CEP78: variants seen among roughly 807,000 people sequenced by gnomAD.
CEP78 encodes centrosomal protein 78.
A neutral mutation model predicts 81.2 loss-of-function variants in CEP78; 76 were observed. That is an observed-to-expected ratio of 0.94 (90% confidence interval 0.78 to 1.13). CEP78 has a LOEUF of 1.13. Ranked by LOEUF, CEP78 falls within the 50% of genes most tolerant of loss-of-function variation. The pLI is 0.00. For missense variants in CEP78, 918 were observed against 846.8 expected (o/e 1.08, Z -1.04); for synonymous variants, 293 against 301.4 (o/e 0.97, Z 0.29).
At chr9:78,268,443 A>G (rs1371284838) in intron 16 of CEP78, among the ~76,000 whole-genome samples, 2 of 152,178 alleles carry the variant, frequency 1.3e-5, no homozygotes, top group African/African-American at 4.8e-5. Context: ...CTTTTTCTTC[A>G]GTAAATAATG....
intron 1 of CEP78, 38 bp from the exon 2 acceptor site, chr9:78,239,985 T>G (rs778505496): frequency 1.3e-6 from 2 of 1,486,488 alleles, no homozygotes; most frequent in African/African-American, 2.8e-5. Flanking sequence ...ATACATTGTA[T>G]GATTGAAGTC....
At chr9:78,239,887 C>T in intron 1 of CEP78, 136 bp from the exon 2 acceptor site, 1 of 665,446 alleles carries the variant, frequency 1.5e-6, no homozygotes, top group Non-Finnish European at 2.4e-6. Context: ...TCCCATGTGG[C>T]TTGAGTTTAC....
chr9:78,238,533 G>A (rs1826068448), intron 1 of CEP78, among the ~76,000 whole-genome samples: 1 of 152,180 alleles, frequency 6.6e-6, no homozygotes, highest in African/African-American at 2.4e-5. Flanking sequence ...GAGAGAAAGA[G>A]GGAGGGTGTG....
Position 78,252,001 on chromosome 9 carries a change from G to A in CEP78, c.1163G>A (p.Gly388Asp), listed in dbSNP as rs1355639963. The change falls in exon 9 of 17, where the codon GGT becomes GAT. Residue 388 changes from glycine (G) to aspartate (D), a missense_variant. Gly to Asp is a moderately conservative substitution (Grantham distance 94, BLOSUM62 -1). Coordinates refer to ENST00000643273, the MANE Select transcript of CEP78 (RefSeq NM_001330691.3). Reference sequence around the variant, plus strand: ...GCACCTCTTCCACCTGGTGTGTCTGGTTTCTTGCCGTGGCGTACTGCAGAA... The same window carrying A: ...GCACCTCTTCCACCTGGTGTGTCTGATTTCTTGCCGTGGCGTACTGCAGAA... The part of the protein sequence containing the change: ...APAPLPPGVS[G>D]FLPWRTAERA... The A allele has an allele frequency of 4.4e-6, 7 of 1,604,896 alleles. No individual in the cohort carries two copies. Among genetic ancestry groups the A allele is most frequent in the South Asian group, 3.3e-5 (3 of 89,984 alleles).
intron 4 of CEP78, 66 bp downstream of exon 4, chr9:78,241,865 C>T (rs1826250019): frequency 1.1e-6 from 1 of 909,864 alleles, no homozygotes; most frequent in Non-Finnish European, 1.8e-6. Context: ...TATTTTGATA[C>T]AAGACAGCAG....
Position 78,254,929 on chromosome 9 carries a change from C to T in CEP78, c.1345C>T (p.Pro449Ser). The change falls in exon 11 of 17, where the codon CCT (proline) becomes TCT (serine). Residue 449 changes from proline to serine, a missense_variant. By Grantham distance (74) the Pro-to-Ser change is moderately conservative. Transcript: ENST00000643273. ...TTCTTCAGAGAGTGTTCATGAAGTG[C>T]CTGAGAAAACTAGTATAGAACAAGA... ...DDSSESVHEV[P>S]EKTSIEQEAL... 1 of 1,610,712 alleles carries T rather than the reference C, an allele frequency of 6.2e-7. No individual in the cohort carries two copies. Among genetic ancestry groups the T allele is most frequent in the Non-Finnish European group, 8.5e-7 (1 of 1,177,718 alleles).
In CEP78 at chr9:78,273,085, A is replaced by T. The variant is rs149974058; in HGVS notation, c.*2234A>T. 3.3e-5 allele frequency: 5 copies of T among 152,354 alleles called. No individual in the cohort carries two copies. The East Asian group carries it at 9.6e-4, about 29-fold the overall frequency. The allele number at this position is 152,354 out of a possible 1,614,324, so 9.4% of individuals were successfully genotyped here. On this transcript the variant is annotated 3_prime_UTR_variant, in exon 17 of 17. Transcript: ENST00000643273. The stretch of plus-strand genomic sequence containing the variant: ...AAGAGGGAATGGAATTTTTAGGTCC[A>T]ACAAGACGGGAAAGAAAAAGAAACA...
chr9:78,243,707 C>A, intron 5 of CEP78, 71 bp downstream of exon 5: 2 of 1,258,546 alleles, frequency 1.6e-6, no homozygotes, highest in Non-Finnish European at 1.1e-6. Flanking sequence ...ACTCTTGGCA[C>A]AGTAATGTTG....
At position 78,246,747 on chromosome 9, in the gene CEP78, T is replaced by C. The variant is rs777180782; in HGVS notation, c.857T>C (p.Leu286Pro). ...LLEALETNTT[L>P]VVLDIRKNPL... is the part of the protein sequence containing the mutation. ...GAGGCCCTTGAAACCAATACAACTC[T>C]GGTCGTTCTGGATATAAGAAAAAAT... Residue 286 changes from leucine to proline, a missense_variant, in exon 6 of 17, where the codon CTG becomes CCG. Leu to Pro is a moderately conservative substitution (Grantham distance 98). Transcript: ENST00000643273. 6.2e-7 allele frequency: 1 copy of C among 1,609,052 alleles called. No individual in the cohort carries two copies. The highest frequency in any genetic ancestry group is 1.1e-5 in the South Asian group (1 of 90,292).
chr9:78,257,902 C>T (rs918372315), intron 11 of CEP78, among the ~76,000 whole-genome samples: 1 of 152,148 alleles, frequency 6.6e-6, no homozygotes, highest in African/African-American at 2.4e-5. Context: ...TTAAGATAGG[C>T]GGTCACTCTA....
chr9:78,239,010 TAAAA>T (rs1245615163), intron 1 of CEP78, among the ~76,000 whole-genome samples: 3 of 151,406 alleles, frequency 2.0e-5, no homozygotes, highest in African/African-American at 7.3e-5. Context: ...CTACAAAAAA[TAAAA>T]AAACCAGGAA....
Position 78,271,592 on chromosome 9 carries a change from A to ATAT in CEP78, c.*742_*743insATT, listed in dbSNP as rs1459079153. 1 of 152,224 alleles carries ATAT rather than the reference A, an allele frequency of 6.6e-6. No homozygotes were observed. Among genetic ancestry groups the ATAT allele is most frequent in the Admixed American group, 6.5e-5 (1 of 15,288 alleles). 9.4% of individuals were successfully genotyped at this position (152,224 alleles called of 1,614,324 possible). A position where few individuals can be genotyped will look rare whatever the true frequency, so the allele number is the denominator to read the frequency against. Reference sequence around the variant, plus strand: ...AGCTTAAATTCATGAAATGGAAGGTATTAATTGGTCTTAGACGTTTCATCA... The same window carrying ATAT: ...AGCTTAAATTCATGAAATGGAAGGTATATTTAATTGGTCTTAGACGTTTCATCA... On this transcript the variant is annotated 3_prime_UTR_variant, in exon 17 of 17. Transcript: ENST00000643273.
chr9:78,250,852 A>G (rs930635506), intron 8 of CEP78, among the ~76,000 whole-genome samples: 4 of 152,198 alleles, frequency 2.6e-5, no homozygotes, highest in Admixed American at 6.5e-5. Flanking sequence ...GAGCTCCTAT[A>G]TATTTATAAG....
chr9:78,270,900 C>A lies in CEP78; in HGVS notation c.*49C>A. The A allele has an allele frequency of 1.5e-6, 1 of 659,762 alleles. No homozygotes were observed. The allele number at this position is 659,762 out of a possible 1,614,324, so 40.9% of individuals were successfully genotyped here. On this transcript the variant is annotated 3_prime_UTR_variant, in exon 17 of 17. Coordinates refer to ENST00000643273, the MANE Select transcript of CEP78 (RefSeq NM_001330691.3). ...AAAAATAATAGCAGAGTTGGAAAAC[C>A]AGAAATTTGAACAGTGAAATTTCTG...
At chr9:78,256,046 A>G (rs1292551614) in intron 11 of CEP78, among the ~76,000 whole-genome samples, 2 of 152,246 alleles carry the variant, frequency 1.3e-5, no homozygotes, top group African/African-American at 4.8e-5. Context: ...AAAATTTCTA[A>G]CATACGTAAG....
chr9:78,260,350 A>T (rs956293854), intron 11 of CEP78, among the ~76,000 whole-genome samples: 1 of 152,210 alleles, frequency 6.6e-6, no homozygotes, highest in Non-Finnish European at 1.5e-5. Flanking sequence ...CTTGTTAGCC[A>T]TAAAGGAATG....
At position 78,275,192 on chromosome 9, in the gene CEP78, T is replaced by C. The variant is rs1249902281; in HGVS notation, c.*4341T>C. Reference sequence around the variant, plus strand: ...TTGTGTAGTGTTAAACCAATAAATTTGAAAGACTAGATGAAATGTGACTGT... The same window carrying C: ...TTGTGTAGTGTTAAACCAATAAATTCGAAAGACTAGATGAAATGTGACTGT... On this transcript the variant is annotated 3_prime_UTR_variant, in exon 17 of 17. Coordinates refer to ENST00000643273, the MANE Select transcript of CEP78 (RefSeq NM_001330691.3). 1 of 152,198 alleles carries C rather than the reference T, an allele frequency of 6.6e-6. No individual in the cohort carries two copies. The highest frequency in any genetic ancestry group is 2.4e-5 in the African/African-American group (1 of 41,450). The allele number at this position is 152,198 out of a possible 1,614,324, so 9.4% of individuals were successfully genotyped here. A position where few individuals can be genotyped will look rare whatever the true frequency, so the allele number is the denominator to read the frequency against.
At chr9:78,263,050 A>G in intron 12 of CEP78, 66 bp downstream of exon 12, 1 of 796,598 alleles carries the variant, frequency 1.3e-6, no homozygotes, top group Non-Finnish European at 2.0e-6. Flanking sequence ...TTTAAGTCAT[A>G]CATACACACA....
chr9:78,253,974 T>C (rs1826887863), intron 10 of CEP78: 1 of 152,240 alleles, frequency 6.6e-6, no homozygotes, highest in African/African-American at 2.4e-5. Flanking sequence ...TAGTTGATAC[T>C]GCATTCTCAT....
Sources: allele counts gnomAD v4.1 joint callset (sites outside exome capture counted in the v4.1 genomes callset), GRCh38; gene constraint gnomAD v4.1.1; transcripts MANE v1.5; gene names NCBI Gene and HGNC (gene_info 2026-07-23, HGNC 2026-07-21).